The following SMYD3 variants were observed in gnomAD, a reference collection of about 807,000 sequenced individuals.
SMYD3 encodes the protein SET and MYND domain containing 3.
A neutral mutation model predicts 57.7 loss-of-function variants in SMYD3; 36 were observed. The ratio of observed to expected loss-of-function variants is 0.62; its 90% confidence interval spans 0.48 to 0.82. SMYD3 has a LOEUF of 0.82. Among genes scored for constraint, SMYD3 ranks in the 40% least tolerant of loss-of-function variants. The pLI is 0.00. For missense variants in SMYD3, 515 were observed against 538.8 expected (o/e 0.96, Z 0.44); for synonymous variants, 211 against 195.0 (o/e 1.08, Z -0.68).
intron 5 of SMYD3, among the ~76,000 whole-genome samples, chr1:246,299,080 T>C (rs1198792710): frequency 6.6e-6 from 1 of 152,174 alleles, no homozygotes; most frequent in East Asian, 1.9e-4. Flanking sequence ...AATCTGTTTC[T>C]GCAACTTCAT....
chr1:246,416,736 C>G (rs574618735), intron 1 of SMYD3, among the ~76,000 whole-genome samples: 3 of 151,436 alleles, frequency 2.0e-5, no homozygotes, highest in African/African-American at 7.3e-5. Context: ...TGGGCACTTC[C>G]GAATTTTAAA....
intron 5 of SMYD3, among the ~76,000 whole-genome samples, chr1:246,058,855 C>T (rs928908692): frequency 3.3e-5 from 5 of 151,632 alleles, no homozygotes; most frequent in African/African-American, 9.7e-5. Context: ...AACAAAGGTG[C>T]CCATTTACCT....
intron 5 of SMYD3, among the ~76,000 whole-genome samples, chr1:245,996,089 C>T (rs924487116): frequency 7.9e-5 from 12 of 152,194 alleles, no homozygotes; most frequent in Admixed American, 7.9e-4. Flanking sequence ...CAGTTAACAA[C>T]GAATGCCCAA....
intron 10 of SMYD3, among the ~76,000 whole-genome samples, chr1:245,778,206 AAG>A (rs1190882417): frequency 6.6e-6 from 1 of 152,218 alleles, no homozygotes; most frequent in African/African-American, 2.4e-5. Flanking sequence ...AAGGAATTAC[AAG>A]AGTCTAAGCA....
rs150160493 is a variant in SMYD3 at position 245,831,715 on chromosome 1, C to T, written c.1076+26781G>A. 2.7e-3 allele frequency among the ~76,000 whole-genome samples: 414 copies of T among 152,238 alleles called. 3 individuals carry two copies. The highest frequency in any genetic ancestry group is 9.4e-3 in the African/African-American group (391 of 41,528). On this transcript the variant is annotated intron_variant, in intron 10 of 11. Coordinates refer to ENST00000490107, the MANE Select transcript of SMYD3 (RefSeq NM_001167740.2). ...TTAATAGATCCTTTGTGAGGGCAGCCGCTGAAACGACACTTCAACTCATCA... is the reference window on the plus strand; with the variant it reads ...TTAATAGATCCTTTGTGAGGGCAGCTGCTGAAACGACACTTCAACTCATCA...
intron 1 of SMYD3, among the ~76,000 whole-genome samples, chr1:246,422,747 A>G (rs2067161379): frequency 6.6e-6 from 1 of 152,194 alleles, no homozygotes; most frequent in South Asian, 2.1e-4. Flanking sequence ...CAATGAACTC[A>G]TAAGTACTCT....
chr1:245,811,606 A>C (rs2048476165), intron 10 of SMYD3, among the ~76,000 whole-genome samples: 1 of 152,134 alleles, frequency 6.6e-6, no homozygotes, highest in Non-Finnish European at 1.5e-5. Flanking sequence ...TGCCTTTACA[A>C]CCACAGTTCC....
At chr1:246,138,948 C>A (rs2061708691) in intron 5 of SMYD3, among the ~76,000 whole-genome samples, 1 of 152,152 alleles carries the variant, frequency 6.6e-6, no homozygotes, top group Admixed American at 6.5e-5. Context: ...AGAGCCTTCA[C>A]AATCAGTCAC....
chr1:245,851,663 C>T (rs994843871), intron 10 of SMYD3, among the ~76,000 whole-genome samples: 6 of 152,168 alleles, frequency 3.9e-5, no homozygotes, highest in Non-Finnish European at 8.8e-5. Context: ...GAGCTCATAA[C>T]GGGGACAGGG....
At position 245,943,546 on chromosome 1, in the gene SMYD3, A is replaced by C. The variant is rs563589997; in HGVS notation, c.532-13609T>G. ...AGACATATTGACAGCTGAATTCTAC[A>C]AGAGGTACAAAGACGAAGTGGTACC... On this transcript the variant is annotated intron_variant, in intron 5 of 11. Transcript: ENST00000490107. Among the ~76,000 whole-genome samples, 30 of 152,298 alleles carry C rather than the reference A, an allele frequency of 2.0e-4. 1 individual carries two copies. Among genetic ancestry groups the C allele is most frequent in the African/African-American group, 7.2e-4 (30 of 41,568 alleles).
At chr1:246,384,757 A>C (rs1224688342) in intron 1 of SMYD3, among the ~76,000 whole-genome samples, 2 of 152,174 alleles carry the variant, frequency 1.3e-5, no homozygotes, top group African/African-American at 4.8e-5. Flanking sequence ...TACTGTCCTT[A>C]AAAAGCCTAG....
rs535614806 is a variant in SMYD3, at chr1:246,401,974, A to G, written c.165-46880T>C. 3.9e-5 allele frequency among the ~76,000 whole-genome samples: 6 copies of G among 152,348 alleles called. No homozygotes were observed. In the South Asian group the frequency reaches 1.2e-3, roughly 32 times the overall value. On this transcript the variant is annotated intron_variant, in intron 1 of 11. Transcript: ENST00000490107. Reference sequence around the variant, plus strand: ...CGACCTCAGGTGATCCGCCCATCCCAGCCTCCCAAAGTGCTGGGATTACAG... The same window carrying G: ...CGACCTCAGGTGATCCGCCCATCCCGGCCTCCCAAAGTGCTGGGATTACAG...
chr1:246,048,441 G>A (rs61572151), intron 5 of SMYD3, among the ~76,000 whole-genome samples: 4,656 of 152,184 alleles, frequency 0.031, 97 homozygotes, highest in South Asian at 0.043. Flanking sequence ...AATGTCTATC[G>A]CATATTTTAG....
At chr1:245,800,022 C>T (rs978412315) in intron 10 of SMYD3, among the ~76,000 whole-genome samples, 3 of 152,236 alleles carry the variant, frequency 2.0e-5, no homozygotes, top group East Asian at 1.9e-4. Flanking sequence ...CTGCAAAAAC[C>T]GCTGTGCAGC....
chr1:246,152,695 C>A (rs1330018964), intron 5 of SMYD3, among the ~76,000 whole-genome samples: 2 of 152,218 alleles, frequency 1.3e-5, no homozygotes, highest in Non-Finnish European at 2.9e-5. Flanking sequence ...TCAGGCTACA[C>A]TACGTGAGTG....
In SMYD3 at chr1:246,203,275, C is replaced by T. The variant is rs1046673622; in HGVS notation, c.531+123926G>A. Among the ~76,000 whole-genome samples the T allele has an allele frequency of 4.6e-5, 7 of 152,170 alleles. No homozygotes were observed. Among genetic ancestry groups the T allele is most frequent in the Non-Finnish European group, 8.8e-5 (6 of 68,036 alleles). ...ATTAATTCAATAAATATCCACAGAG[C>T]TTTAATCCAGATGTGTGCAAGATAT... is the stretch of plus-strand genomic sequence containing the variant. On this transcript the variant is annotated intron_variant, in intron 5 of 11. Coordinates refer to ENST00000490107, the MANE Select transcript of SMYD3 (RefSeq NM_001167740.2). The surrounding 1 kb of genome is among the most constrained non-coding windows in gnomAD (Gnocchi z 4.6).
At chr1:246,376,113 G>A (rs565657950) in intron 1 of SMYD3, among the ~76,000 whole-genome samples, 4 of 151,940 alleles carry the variant, frequency 2.6e-5, no homozygotes, top group South Asian at 4.1e-4. Flanking sequence ...ATTTTGACAC[G>A]TGATAAAGGA....
At chr1:246,257,837 T>A (rs2063925592) in intron 5 of SMYD3, among the ~76,000 whole-genome samples, 1 of 152,132 alleles carries the variant, frequency 6.6e-6, no homozygotes, top group Non-Finnish European at 1.5e-5. Flanking sequence ...GTGTTGGAAG[T>A]GGGACTGGGT....
At chr1:246,086,245 A>G (rs1247811120) in intron 5 of SMYD3, among the ~76,000 whole-genome samples, 1 of 152,050 alleles carries the variant, frequency 6.6e-6, no homozygotes, top group Non-Finnish European at 1.5e-5. Context: ...GATTTTTGTC[A>G]GCGAACTGCT....
Sources: allele counts gnomAD v4.1 joint callset (sites outside exome capture counted in the v4.1 genomes callset), GRCh38; gene constraint gnomAD v4.1.1; non-coding constraint Gnocchi (gnomAD v3.1); transcripts MANE v1.5; gene names NCBI Gene and HGNC (gene_info 2026-07-23, HGNC 2026-07-21).